The following UGGT2 variants were observed in gnomAD, a reference collection of about 807,000 sequenced individuals.
The protein encoded by UGGT2 is UDP-glucose:glycoprotein glucosyltransferase 2.
Under a neutral mutation model 192.1 loss-of-function variants are expected in UGGT2, and 180 were observed. That is an observed-to-expected ratio of 0.94 (90% CI 0.83 to 1.06). The LOEUF (loss-of-function observed/expected upper bound fraction) is 1.06, where lower values mean the gene tolerates loss of function less well. Ranked by LOEUF, UGGT2 falls within the 50% of genes least tolerant of loss-of-function variation. The pLI is 0.00. For missense variants in UGGT2, 1,849 were observed against 1,795.7 expected (o/e 1.03, Z -0.54); for synonymous variants, 580 against 591.0 (o/e 0.98, Z 0.27).
intron 20 of UGGT2, among the ~76,000 whole-genome samples, chr13:95,923,516 G>A (rs2048916195): frequency 6.6e-6 from 1 of 151,958 alleles, no homozygotes; most frequent in African/African-American, 2.4e-5. Context: ...TTACAGGCAT[G>A]TGCCATCACG....
chr13:95,922,470 A>G (rs2048876415), intron 20 of UGGT2, among the ~76,000 whole-genome samples: 2 of 152,230 alleles, frequency 1.3e-5, no homozygotes, highest in South Asian at 2.1e-4. Flanking sequence ...AAAAATAAAT[A>G]AAGTCATATT....
chr13:95,830,176 T>C (rs1381068777), intron 38 of UGGT2, among the ~76,000 whole-genome samples: 1 of 151,978 alleles, frequency 6.6e-6, no homozygotes, highest in Admixed American at 6.6e-5. Context: ...CCATAAAAAC[T>C]GTAGAAGAAA....
chr13:95,811,525 C>A (rs865882908), intron 38 of UGGT2, among the ~76,000 whole-genome samples: 34 of 152,140 alleles, frequency 2.2e-4, no homozygotes, highest in South Asian at 1.2e-3. Flanking sequence ...TGAATATGTT[C>A]TAATTTTGAT....
At chr13:96,038,700 C>T (rs1045522843) in intron 1 of UGGT2, among the ~76,000 whole-genome samples, 1 of 151,912 alleles carries the variant, frequency 6.6e-6, no homozygotes, top group Non-Finnish European at 1.5e-5. Flanking sequence ...ATTCTAAAAG[C>T]TGCCCTTTTT....
chr13:96,030,106 C>T (rs1170424430), intron 2 of UGGT2, among the ~76,000 whole-genome samples: 1 of 152,156 alleles, frequency 6.6e-6, no homozygotes, highest in Non-Finnish European at 1.5e-5. Flanking sequence ...ATCGAGGTTC[C>T]TCCACACATT....
chr13:95,934,734 C>T (rs1792392997), intron 17 of UGGT2, among the ~76,000 whole-genome samples: 1 of 152,108 alleles, frequency 6.6e-6, no homozygotes, highest in Non-Finnish European at 1.5e-5. Context: ...GTCTCAAACT[C>T]CTCAGCTCAA....
intron 12 of UGGT2, among the ~76,000 whole-genome samples, chr13:95,961,593 C>T (rs2050393982): frequency 6.6e-6 from 1 of 152,050 alleles, no homozygotes; most frequent in Admixed American, 6.6e-5. Context: ...AGTACCTACA[C>T]ATATAAAGCA....
At chr13:95,892,415 T>C (rs1200106551) in intron 24 of UGGT2, among the ~76,000 whole-genome samples, 2 of 152,098 alleles carry the variant, frequency 1.3e-5, no homozygotes, top group African/African-American at 2.4e-5. Flanking sequence ...TTGTACTCAA[T>C]TGCCAAAAAA....
chr13:95,873,314 T>C (rs761148503), intron 29 of UGGT2, among the ~76,000 whole-genome samples: 17 of 152,244 alleles, frequency 1.1e-4, no homozygotes, highest in Non-Finnish European at 2.1e-4. Context: ...TTAGAACATA[T>C]AATAGTCACT....
intron 38 of UGGT2, among the ~76,000 whole-genome samples, chr13:95,805,759 C>G (rs1884271143): frequency 6.6e-6 from 1 of 151,880 alleles, no homozygotes; most frequent in Admixed American, 6.6e-5. Flanking sequence ...TGATGTTTGC[C>G]AGGGGCAGGG....
chr13:95,887,296 T>G (rs2047672610), intron 26 of UGGT2: 1 of 516,592 alleles, frequency 1.9e-6, no homozygotes, highest in Non-Finnish European at 3.9e-6. Context: ...CAATGACACA[T>G]GAAGGAGAAC....
intron 29 of UGGT2, among the ~76,000 whole-genome samples, chr13:95,868,818 C>A (rs1312375321): frequency 6.6e-6 from 1 of 152,070 alleles, no homozygotes; most frequent in African/African-American, 2.4e-5. Context: ...AAGCAAATCT[C>A]TTTCCACTTC....
intron 12 of UGGT2, among the ~76,000 whole-genome samples, chr13:95,969,153 G>A (rs182028860): frequency 1.1e-4 from 17 of 152,216 alleles, no homozygotes; most frequent in Admixed American, 6.5e-4. Context: ...ATGATGGATC[G>A]TCTCTCACAA....
Position 95,903,050 on chromosome 13 carries a change from A to G in UGGT2, c.2306T>C (p.Val769Ala), listed in dbSNP as rs1195686839. 1 of 1,609,800 alleles carries G rather than the reference A, an allele frequency of 6.2e-7. No individual in the cohort carries two copies. Among genetic ancestry groups the G allele is most frequent in the African/African-American group, 1.3e-5 (1 of 74,696 alleles). The change falls in exon 21 of 39, where the codon GTT becomes GCT. Residue 769 changes from valine (V) to alanine (A), a missense_variant. Transcript: ENST00000376747. ...FNALKHMKTS[V>A]HSRLGIIYNP... ...ATAAATAATCCCCAACCGACTATGA[A>G]CACTTGTTTTCTGCAAACATATTTA...
At position 95,967,453 on chromosome 13, in the gene UGGT2, C is replaced by A. The variant is rs2140754370; in HGVS notation, c.1335+2659G>T. ...AGGCGTGAGCCACCACGCCCAGCCC[C>A]CACGCGCACCCCCAACTTTTTTGTT... On this transcript the variant is annotated intron_variant, in intron 12 of 38. Transcript: ENST00000376747. Among the ~76,000 whole-genome samples the A allele has an allele frequency of 2.0e-5, 3 of 148,040 alleles. 1 individual carries two copies. In the South Asian group the frequency reaches 6.6e-4, roughly 33 times the overall value.
chr13:95,975,504 C>CA (rs1438402041), intron 10 of UGGT2, among the ~76,000 whole-genome samples: 3 of 152,050 alleles, frequency 2.0e-5, no homozygotes, highest in Non-Finnish European at 4.4e-5. Flanking sequence ...ATTTATAGTC[C>CA]AAAAAACTTA....
At chr13:96,005,137 T>G (rs1353193715) in intron 5 of UGGT2, among the ~76,000 whole-genome samples, 1 of 152,152 alleles carries the variant, frequency 6.6e-6, no homozygotes, top group Non-Finnish European at 1.5e-5. Context: ...TACAAAAAGT[T>G]TATTATTTTT....
intron 38 of UGGT2, among the ~76,000 whole-genome samples, chr13:95,816,410 T>C (rs1481761983): frequency 6.6e-6 from 1 of 152,152 alleles, no homozygotes; most frequent in Non-Finnish European, 1.5e-5. Context: ...AACACCCCCA[T>C]ACTACTAGGT....
intron 15 of UGGT2, among the ~76,000 whole-genome samples, chr13:95,942,498 T>G (rs1325560150): frequency 6.6e-6 from 1 of 152,124 alleles, no homozygotes; most frequent in Non-Finnish European, 1.5e-5. Context: ...TTTATTTGCA[T>G]TTTTCAAATT....
Sources: gnomAD v4.1 joint callset for allele counts (sites outside exome capture counted in the v4.1 genomes callset) on GRCh38, gnomAD v4.1.1 for gene constraint, MANE v1.5 for transcripts, NCBI Gene and HGNC (gene_info 2026-07-23, HGNC 2026-07-21) for gene names.